LRRC1: variants seen among roughly 807,000 people sequenced by gnomAD.
The protein encoded by LRRC1 is leucine rich repeat containing 1.
A neutral mutation model predicts 69.9 loss-of-function variants in LRRC1; 28 were observed. That is an observed-to-expected ratio of 0.40 (90% CI 0.30 to 0.55). LRRC1 has a LOEUF of 0.55. Among genes scored for constraint, LRRC1 ranks in the 20% least tolerant of loss-of-function variants. LRRC1 has a pLI of 0.47. For synonymous variants in LRRC1, 236 were observed against 240.2 expected, an observed-to-expected ratio of 0.98 and a Z score of 0.16; for missense variants, 498 against 609.0, an observed-to-expected ratio of 0.82 and a Z score of 1.92.
intron 9 of LRRC1, among the ~76,000 whole-genome samples, chr6:53,903,202 G>A (rs748446628): frequency 1.7e-4 from 26 of 152,160 alleles, no homozygotes; most frequent in Non-Finnish European, 3.2e-4. Context: ...GCTGGGAAAC[G>A]CTCTTGATCA....
intron 2 of LRRC1, among the ~76,000 whole-genome samples, chr6:53,864,055 G>A (rs1026576754): frequency 1.8e-4 from 28 of 151,982 alleles, no homozygotes; most frequent in Admixed American, 9.8e-4. Context: ...ATAGTTTGGC[G>A]TTCCCTCAAA....
chr6:53,889,128 G>T (rs1252722377), intron 4 of LRRC1, among the ~76,000 whole-genome samples: 1 of 152,132 alleles, frequency 6.6e-6, no homozygotes, highest in Non-Finnish European at 1.5e-5. Flanking sequence ...TAGTCATCAG[G>T]AAAATGCAAG....
chr6:53,877,546 A>G (rs1032804631), intron 2 of LRRC1, among the ~76,000 whole-genome samples: 1 of 152,182 alleles, frequency 6.6e-6, no homozygotes, highest in Non-Finnish European at 1.5e-5. Context: ...ACAGCACCCA[A>G]GTCACCTCTT....
At chr6:53,804,109 T>G (rs1245910538) in intron 1 of LRRC1, among the ~76,000 whole-genome samples, 2 of 152,224 alleles carry the variant, frequency 1.3e-5, no homozygotes, top group African/African-American at 4.8e-5. Context: ...GGCTATGGTG[T>G]TGTCTTGTGT....
intron 1 of LRRC1, among the ~76,000 whole-genome samples, chr6:53,840,714 A>T (rs2127415677): frequency 6.6e-6 from 1 of 151,336 alleles, no homozygotes; most frequent in East Asian, 1.9e-4. Flanking sequence ...ATGCTACAAT[A>T]TTTTTCACTT....
At chr6:53,812,551 G>A (rs946951160) in intron 1 of LRRC1, among the ~76,000 whole-genome samples, 38 of 152,068 alleles carry the variant, frequency 2.5e-4, no homozygotes, top group Admixed American at 5.2e-4. Flanking sequence ...TCAGCCGGGC[G>A]TGGTGGCGGG....
intron 2 of LRRC1, among the ~76,000 whole-genome samples, chr6:53,874,778 A>G (rs1767011449): frequency 1.3e-5 from 2 of 152,334 alleles, no homozygotes; most frequent in Middle Eastern, 6.8e-3. Flanking sequence ...CTCAATGTTA[A>G]TATGTCCAAA....
At chr6:53,865,500 C>T (rs1766671463) in intron 2 of LRRC1, among the ~76,000 whole-genome samples, 1 of 152,004 alleles carries the variant, frequency 6.6e-6, no homozygotes, top group Admixed American at 6.5e-5. Flanking sequence ...GTTAGGGTTC[C>T]CTCTGCCTCT....
intron 4 of LRRC1, among the ~76,000 whole-genome samples, chr6:53,893,283 A>G (rs561650082): frequency 1.3e-5 from 2 of 152,284 alleles, no homozygotes; most frequent in East Asian, 3.9e-4. Context: ...ATTCAGCAGT[A>G]AACACCTCAG....
At chr6:53,843,040 A>G (rs1025322975) in intron 2 of LRRC1, among the ~76,000 whole-genome samples, 23 of 152,226 alleles carry the variant, frequency 1.5e-4, no homozygotes, top group Non-Finnish European at 3.1e-4. Context: ...TCCTTGTTGT[A>G]GCATATTTGA....
chr6:53,826,765 T>C (rs146227760), intron 1 of LRRC1, among the ~76,000 whole-genome samples: 2 of 152,316 alleles, frequency 1.3e-5, no homozygotes, highest in East Asian at 3.9e-4. Flanking sequence ...ACCACTGATG[T>C]ACTGTATATC....
At position 53,797,546 on chromosome 6, in the gene LRRC1, C is replaced by A. The variant is rs560905966; in HGVS notation, c.159+2131C>A. On this transcript the variant is annotated intron_variant, in intron 1 of 13. Transcript: ENST00000370888. Reference sequence around the variant, plus strand: ...TGGTCTCTGCTGCTCCTGCTCCAAACCCCTGTCTCCTTACCTGCCACACAC... The same window carrying A: ...TGGTCTCTGCTGCTCCTGCTCCAAAACCCTGTCTCCTTACCTGCCACACAC... Among the ~76,000 whole-genome samples the A allele has an allele frequency of 8.5e-5, 13 of 152,276 alleles. 1 individual carries two copies. The East Asian group carries it at 2.5e-3, about 29-fold the overall frequency.
rs148578973 is a variant in LRRC1 at position 53,809,992 on chromosome 6, A to G, written c.159+14577A>G. ...TCACAGGCCAGCCCTGGCCACCAGCAAGGCTGACAGTGACAGTGTCTGGCT... is the reference window on the plus strand; with the variant it reads ...TCACAGGCCAGCCCTGGCCACCAGCGAGGCTGACAGTGACAGTGTCTGGCT... On this transcript the variant is annotated intron_variant, in intron 1 of 13. Transcript: ENST00000370888. 2.2e-3 allele frequency among the ~76,000 whole-genome samples: 329 copies of G among 152,346 alleles called. 2 individuals carry two copies. Among genetic ancestry groups the G allele is most frequent in the African/African-American group, 7.6e-3 (314 of 41,570 alleles).
intron 1 of LRRC1, among the ~76,000 whole-genome samples, chr6:53,795,894 G>T (rs1764285071): frequency 6.6e-6 from 1 of 152,268 alleles, no homozygotes. Context: ...CAGCGCTCAA[G>T]CGGGCCGCAC....
intron 1 of LRRC1, among the ~76,000 whole-genome samples, chr6:53,817,031 C>G (rs1298148555): frequency 6.6e-6 from 1 of 152,184 alleles, no homozygotes; most frequent in East Asian, 1.9e-4. Flanking sequence ...TTTTAAGAAA[C>G]TTTGACAAAT....
chr6:53,817,190 C>CCAAG (rs1016015580), intron 1 of LRRC1, among the ~76,000 whole-genome samples: 52 of 152,282 alleles, frequency 3.4e-4, no homozygotes, highest in Middle Eastern at 3.4e-3. Flanking sequence ...CATCCTTCAC[C>CCAAG]CAAGCATCAT....
At chr6:53,843,231 G>C (rs1765842514) in intron 2 of LRRC1, among the ~76,000 whole-genome samples, 1 of 152,022 alleles carries the variant, frequency 6.6e-6, no homozygotes, top group Admixed American at 6.5e-5. Flanking sequence ...TTTTGCTTCT[G>C]TTTTCCTACA....
intron 1 of LRRC1, among the ~76,000 whole-genome samples, chr6:53,804,629 T>C (rs530132304): frequency 4.5e-4 from 68 of 152,346 alleles, no homozygotes; most frequent in Middle Eastern, 3.4e-3. Context: ...AGCACTGTTA[T>C]TTATTTTTTA....
rs1305358435 is a variant in LRRC1, at chr6:53,882,986, T to C, written c.446+10T>C. ...CTGAAAATATTGGCAAGTAAGTTTT[T>C]TTGTGAAGTTTGGGTGGATCAGGGT... On this transcript the variant is annotated intron_variant, in intron 4 of 13. Coordinates refer to ENST00000370888, the MANE Select transcript of LRRC1 (RefSeq NM_018214.5). 7.0e-6 allele frequency: 11 copies of C among 1,573,910 alleles called. No individual in the cohort carries two copies. The highest frequency in any genetic ancestry group is 9.6e-6 in the Non-Finnish European group (11 of 1,147,184).
Sources: gnomAD v4.1 joint callset for allele counts (sites outside exome capture counted in the v4.1 genomes callset) on GRCh38, gnomAD v4.1.1 for gene constraint, MANE v1.5 for transcripts, NCBI Gene and HGNC (gene_info 2026-07-23, HGNC 2026-07-21) for gene names.